The following BCR variants were observed in gnomAD, a reference collection of about 807,000 sequenced individuals.
BCR encodes the protein BCR activator of RhoGEF and GTPase.
In BCR, 58 loss-of-function variants were observed where a neutral mutation model predicts 138.6. That is an observed-to-expected ratio of 0.42 (90% CI 0.34 to 0.52). The LOEUF (loss-of-function observed/expected upper bound fraction) is 0.52. Among genes scored for constraint, BCR ranks in the 20% least tolerant of loss-of-function variants. The pLI is 0.06. For synonymous variants in BCR, 786 were observed against 730.1 expected (o/e 1.08, Z -1.23); for missense variants, 1,599 against 1,727.2 (o/e 0.93, Z 1.32).
intron 1 of BCR, among the ~76,000 whole-genome samples, chr22:23,188,764 G>GTT (rs34270902): frequency 2.7e-5 from 4 of 150,134 alleles, no homozygotes; most frequent in Non-Finnish European, 4.4e-5. Flanking sequence ...GCTCAAGTAG[G>GTT]TTTTTTTTTT....
rs1009835377 is a variant in BCR at position 23,254,035 on chromosome 22, G to A, written c.1461+55G>A. ...AGGGCCAGGTGAGGCTCCCTGAAGC[G>A]CAGCCCCATGCTCAGGGGTATGTAG... On this transcript the variant is annotated intron_variant, in intron 2 of 22. Transcript: ENST00000305877. The A allele has an allele frequency of 2.0e-5, 30 of 1,533,458 alleles. No homozygotes were observed. The East Asian group carries it at 2.1e-4, about 11-fold the overall frequency. 95.0% of individuals were successfully genotyped at this position (1,533,458 alleles called of 1,614,324 possible). A position where few individuals can be genotyped will look rare whatever the true frequency, so the allele number is the denominator to read the frequency against.
At chr22:23,248,546 A>AT (rs1056882124) in intron 1 of BCR, among the ~76,000 whole-genome samples, 4 of 151,548 alleles carry the variant, frequency 2.6e-5, no homozygotes, top group African/African-American at 9.7e-5. Context: ...TATTATTTTT[A>AT]TTTTTTGGCT....
intron 6 of BCR, 35 bp downstream of exon 6, chr22:23,271,627 C>T (rs776807948): frequency 1.1e-5 from 17 of 1,603,096 alleles, no homozygotes; most frequent in East Asian, 2.2e-5. Context: ...TGTGTGCCCT[C>T]GTCAGGGAGG....
chr22:23,276,450 C>T lies in BCR; in HGVS notation c.2115+2676C>T, dbSNP rs185772936. On this transcript the variant is annotated intron_variant, in intron 8 of 22. Transcript: ENST00000305877. ...GCTGGTTGCTTCACAAAGGCAGGGG[C>T]CTGGATCTGCATCCTCCCCAGGACC... Among the ~76,000 whole-genome samples the T allele has an allele frequency of 2.2e-3, 332 of 150,760 alleles. 1 individual carries two copies. Among genetic ancestry groups the T allele is most frequent in the Non-Finnish European group, 3.9e-3 (264 of 67,838 alleles).
chr22:23,194,928 G>A (rs995172245), intron 1 of BCR, among the ~76,000 whole-genome samples: 1 of 152,126 alleles, frequency 6.6e-6, no homozygotes, highest in Non-Finnish European at 1.5e-5. Context: ...CTGGGCGACA[G>A]AGCAAGCAAG....
intron 1 of BCR, among the ~76,000 whole-genome samples, chr22:23,252,427 CTTTTCT>C (rs1240340205): frequency 3.3e-5 from 4 of 119,510 alleles, no homozygotes; most frequent in East Asian, 2.4e-4. Context: ...TTTTTCTTTT[CTTTTCT>C]TTTTTTTTTT....
In BCR at chr22:23,268,434, C is replaced by T; in HGVS notation, c.1779C>T (p.Ala593=). Residue 593 remains alanine, a synonymous_variant, in exon 5 of 23, where the codon GCC becomes GCT. Transcript: ENST00000305877. ...KLASQLGVYR[A]FVDNYGVAME... ...CCAGCCAGCTGGGTGTGTACCGGGC[C>T]TTCGTGGACAACTACGGAGTTGCCA... 5.6e-6 allele frequency: 9 copies of T among 1,613,486 alleles called. No homozygotes were observed. Among genetic ancestry groups the T allele is most frequent in the Non-Finnish European group, 7.6e-6 (9 of 1,179,700 alleles).
chr22:23,185,013 T>G (rs1228445104), intron 1 of BCR, among the ~76,000 whole-genome samples: 1 of 152,134 alleles, frequency 6.6e-6, no homozygotes, highest in Non-Finnish European at 1.5e-5. Context: ...TTTGGATGAA[T>G]GGACCGTCCC....
intron 2 of BCR, among the ~76,000 whole-genome samples, chr22:23,258,330 GGGGCACA>G (rs894435800): frequency 2.8e-4 from 42 of 152,288 alleles, no homozygotes; most frequent in African/African-American, 9.1e-4. Context: ...GGACTCAAAT[GGGGCACA>G]GGGTGGGGCT....
At chr22:23,232,737 G>T (rs1602043530) in intron 1 of BCR, among the ~76,000 whole-genome samples, 1 of 152,210 alleles carries the variant, frequency 6.6e-6, no homozygotes, top group South Asian at 2.1e-4. Context: ...AGGTGAGATG[G>T]CAGGATCAGA....
At chr22:23,205,601 G>T (rs1170450051) in intron 1 of BCR, among the ~76,000 whole-genome samples, 1 of 151,892 alleles carries the variant, frequency 6.6e-6, no homozygotes, top group Non-Finnish European at 1.5e-5. Flanking sequence ...GCCTAGGCAG[G>T]ATCAGAAGCT....
At chr22:23,272,234 G>A (rs2073517920) in intron 6 of BCR, among the ~76,000 whole-genome samples, 1 of 152,236 alleles carries the variant, frequency 6.6e-6, no homozygotes, top group Non-Finnish European at 1.5e-5. Context: ...TGCTGGGAAA[G>A]TGCTGTCAGG....
At chr22:23,190,051 G>C (rs751946709) in intron 1 of BCR, among the ~76,000 whole-genome samples, 4 of 152,188 alleles carry the variant, frequency 2.6e-5, no homozygotes, top group African/African-American at 7.2e-5. Flanking sequence ...GTGCCAGCAG[G>C]GTTGGTTCCC....
At chr22:23,280,896 C>G (rs1366511173) in intron 8 of BCR, among the ~76,000 whole-genome samples, 5 of 152,236 alleles carry the variant, frequency 3.3e-5, no homozygotes, top group Admixed American at 3.3e-4. Flanking sequence ...GACCCATGCC[C>G]ACACGGGGTT....
At chr22:23,310,894 A>T (rs1365380583) in intron 18 of BCR, among the ~76,000 whole-genome samples, 1 of 150,926 alleles carries the variant, frequency 6.6e-6, no homozygotes, top group African/African-American at 2.4e-5. Flanking sequence ...GGCCTCCATC[A>T]GTCATACCCT....
chr22:23,230,784 A>G (rs1180253996), intron 1 of BCR, among the ~76,000 whole-genome samples: 3 of 152,174 alleles, frequency 2.0e-5, no homozygotes. Flanking sequence ...AAGATCCCAA[A>G]CATTGCCTGT....
At chr22:23,315,394 C>T (rs767215323) in intron 22 of BCR, 39 bp from the exon 23 acceptor site, 3 of 1,595,940 alleles carry the variant, frequency 1.9e-6, no homozygotes, top group African/African-American at 1.3e-5. Flanking sequence ...GTGAGCCCCG[C>T]TCTGAGCCAC....
intron 1 of BCR, among the ~76,000 whole-genome samples, chr22:23,194,011 G>A (rs2072446715): frequency 6.6e-6 from 1 of 152,218 alleles, no homozygotes. Flanking sequence ...TGTCCCTGAG[G>A]CACGGAGGTG....
intron 1 of BCR, among the ~76,000 whole-genome samples, chr22:23,196,068 ATG>A (rs960127973): frequency 3.9e-5 from 6 of 152,282 alleles, no homozygotes; most frequent in South Asian, 2.1e-4. Context: ...TTCATTTTTA[ATG>A]TGTGTTTTTT....
Sources: gnomAD v4.1 joint callset for allele counts (sites outside exome capture counted in the v4.1 genomes callset) on GRCh38, gnomAD v4.1.1 for gene constraint, MANE v1.5 for transcripts, NCBI Gene and HGNC (gene_info 2026-07-23, HGNC 2026-07-21) for gene names.